Variants in KIRREL3 observed in about 807,000 individuals in gnomAD.
KIRREL3 encodes kin of IRRE-like protein 3.
Under a neutral mutation model 89.7 loss-of-function variants are expected in KIRREL3, and 36 were observed. That is an observed-to-expected ratio of 0.40 (90% CI 0.31 to 0.53). The LOEUF is 0.53. Among genes scored for constraint, KIRREL3 ranks in the 20% least tolerant of loss-of-function variants. The pLI is 0.49. For synonymous variants in KIRREL3, 445 were observed against 441.4 expected (o/e 1.01, Z -0.10); for missense variants, 864 against 1,056.6 (o/e 0.82, Z 2.53).
intron 1 of KIRREL3, among the ~76,000 whole-genome samples, chr11:126,589,005 G>A (rs992143509): frequency 3.3e-5 from 5 of 152,084 alleles, no homozygotes; most frequent in African/African-American, 1.2e-4. Context: ...TTCTTCAAGG[G>A]GGCTGCAAGC....
At chr11:126,450,518 TGC>T (rs1956019881) in intron 7 of KIRREL3, among the ~76,000 whole-genome samples, 1 of 150,834 alleles carries the variant, frequency 6.6e-6, no homozygotes, top group Admixed American at 6.6e-5. Context: ...TGTGTGTGTG[TGC>T]ATCTGCGTAT....
At position 126,909,791 on chromosome 11, in the gene KIRREL3, T is replaced by C. The variant is rs1946739997; in HGVS notation, c.55+90664A>G. ...TGTGCATGAGGCTGAAGCACCGCCA[T>C]TATAAAAAACTTGGTTAAAATATGG... On this transcript the variant is annotated intron_variant, in intron 1 of 16. Transcript: ENST00000525144. The surrounding 1 kb of genome is among the most constrained non-coding windows in gnomAD (Gnocchi z 4.5). Among the ~76,000 whole-genome samples, 2 of 152,204 alleles carry C rather than the reference T, an allele frequency of 1.3e-5. No individual in the cohort carries two copies. The highest frequency in any genetic ancestry group is 1.3e-4 in the Admixed American group (2 of 15,286).
intron 5 of KIRREL3, among the ~76,000 whole-genome samples, chr11:126,470,495 C>A (rs1415179343): frequency 1.3e-5 from 2 of 152,196 alleles, no homozygotes; most frequent in Non-Finnish European, 2.9e-5. Context: ...CTGGAGTGAC[C>A]TCTTGGCAGG....
At position 126,689,049 on chromosome 11, in the gene KIRREL3, A is replaced by C. The variant is rs899743941; in HGVS notation, c.56-126137T>G. The stretch of plus-strand genomic sequence containing the variant: ...TGTGTGTAAGGGGGAGAGAAGAGAG[A>C]GAGAGAGAGAGAGAGAGAGAGAGAG... On this transcript the variant is annotated intron_variant, in intron 1 of 16. Coordinates refer to ENST00000525144, the MANE Select transcript of KIRREL3 (RefSeq NM_032531.4). This position sits in a 1 kb window ranked among gnomAD's most constrained non-coding sequence, Gnocchi z 5.2. 3.3e-4 allele frequency among the ~76,000 whole-genome samples: 41 copies of C among 125,272 alleles called. 1 individual carries two copies. The highest frequency in any genetic ancestry group is 1.4e-3 in the African/African-American group (36 of 25,080). 82.2% of individuals were successfully genotyped at this position (125,272 alleles called of 152,430 possible).
chr11:126,974,198 A>G (rs144401656), intron 1 of KIRREL3, among the ~76,000 whole-genome samples: 1 of 152,268 alleles, frequency 6.6e-6, no homozygotes, highest in Non-Finnish European at 1.5e-5. Flanking sequence ...TTTGTTTCAA[A>G]TGTTTACTCC....
chr11:126,746,849 A>T (rs1019308294), intron 1 of KIRREL3, among the ~76,000 whole-genome samples: 1 of 151,994 alleles, frequency 6.6e-6, no homozygotes, highest in African/African-American at 2.4e-5. Flanking sequence ...CTCCTCACAC[A>T]CTCACATCCT....
chr11:126,779,325 A>G (rs1041939310), intron 1 of KIRREL3, among the ~76,000 whole-genome samples: 1 of 152,152 alleles, frequency 6.6e-6, no homozygotes, highest in Admixed American at 6.5e-5. Context: ...TGGGCCACCC[A>G]GTAAGATTCA....
chr11:126,743,279 G>C (rs1341916181), intron 1 of KIRREL3, among the ~76,000 whole-genome samples: 8 of 152,194 alleles, frequency 5.3e-5, no homozygotes, highest in African/African-American at 1.9e-4. Context: ...TTTATAGAAC[G>C]GTGAGCCTGG....
rs752843256 is a variant in KIRREL3 at position 126,788,987 on chromosome 11, C to T, written c.55+211468G>A. ...CCCTGTCAAGATTTCTTTGACCCAA[C>T]GGTGGGCTGGGTTGTGCCCTTCCTT... On this transcript the variant is annotated intron_variant, in intron 1 of 16. Transcript: ENST00000525144. This position sits in a 1 kb window ranked among gnomAD's most constrained non-coding sequence, Gnocchi z 4.1. 2.0e-5 allele frequency among the ~76,000 whole-genome samples: 3 copies of T among 152,154 alleles called. No individual in the cohort carries two copies. The highest frequency in any genetic ancestry group is 4.4e-5 in the Non-Finnish European group (3 of 68,026).
intron 1 of KIRREL3, among the ~76,000 whole-genome samples, chr11:126,852,053 T>C (rs1157008071): frequency 1.4e-4 from 1 of 7,020 alleles, no homozygotes; most frequent in African/African-American, 5.4e-4. Context: ...TATAACCTTT[T>C]TTTTTTTTTT....
chr11:126,892,786 A>T lies in KIRREL3; in HGVS notation c.55+107669T>A, dbSNP rs1945976199. 6.6e-6 allele frequency among the ~76,000 whole-genome samples: 1 copy of T among 152,162 alleles called. No homozygotes were observed. The highest frequency in any genetic ancestry group is 6.5e-5 in the Admixed American group (1 of 15,282). The stretch of plus-strand genomic sequence containing the variant: ...CCAGATAGGAGAAGGGTCTGGCTTC[A>T]TTGACATTTCCACGGTAGTGCATAC... On this transcript the variant is annotated intron_variant, in intron 1 of 16. Transcript: ENST00000525144. The surrounding 1 kb of genome is among the most constrained non-coding windows in gnomAD (Gnocchi z 5.4).
rs1280033861 is a variant in KIRREL3, at chr11:126,523,156, C to T, written c.284-1692G>A. Among the ~76,000 whole-genome samples, 1 of 152,146 alleles carries T rather than the reference C, an allele frequency of 6.6e-6. No homozygotes were observed. The highest frequency in any genetic ancestry group is 1.5e-5 in the Non-Finnish European group (1 of 68,032). On this transcript the variant is annotated intron_variant, in intron 3 of 16. Coordinates refer to ENST00000525144, the MANE Select transcript of KIRREL3 (RefSeq NM_032531.4). The surrounding 1 kb of genome is among the most constrained non-coding windows in gnomAD (Gnocchi z 4.9). ...ATTCTCAACTGTTTGAGGTATCCAACAAGGATCTGGGATGCCAGAGAGTGT... is the reference window on the plus strand; with the variant it reads ...ATTCTCAACTGTTTGAGGTATCCAATAAGGATCTGGGATGCCAGAGAGTGT...
intron 1 of KIRREL3, among the ~76,000 whole-genome samples, chr11:126,887,367 G>A (rs1336983705): frequency 6.6e-6 from 1 of 152,174 alleles, no homozygotes; most frequent in Admixed American, 6.5e-5. Flanking sequence ...GGGACTGGAG[G>A]CTAAGAAGCA....
Position 126,517,136 on chromosome 11 carries a change from A to AAGAGAAAGAGAGAGAGAG in KIRREL3, c.433+4178_433+4179insCTCTCTCTCTCTTTCTCT, listed in dbSNP as rs1958437550. Among the ~76,000 whole-genome samples, 31 of 140,902 alleles carry AAGAGAAAGAGAGAGAGAG rather than the reference A, an allele frequency of 2.2e-4. No individual in the cohort carries two copies. In the South Asian group the frequency reaches 2.3e-3, roughly 11 times the overall value. 92.4% of individuals were successfully genotyped at this position (140,902 alleles called of 152,430 possible). A position where few individuals can be genotyped will look rare whatever the true frequency, so the allele number is the denominator to read the frequency against. ...TTAGAGATTGAGAGAGAGAGAGAGA[A>AAGAGAAAGAGAGAGAGAG]AGAGAGAGAGAGAGAGAGAGAGAGA... On this transcript the variant is annotated intron_variant, in intron 4 of 16. Coordinates refer to ENST00000525144, the MANE Select transcript of KIRREL3 (RefSeq NM_032531.4).
In KIRREL3 at chr11:126,931,716, G is replaced by T. The variant is rs1947957223; in HGVS notation, c.55+68739C>A. ...TTCTTCCTTACAGCATTCTGGGGAA[G>T]ATTATCACCAGTTTACAGACAGTAG... On this transcript the variant is annotated intron_variant, in intron 1 of 16. Coordinates refer to ENST00000525144, the MANE Select transcript of KIRREL3 (RefSeq NM_032531.4). The surrounding 1 kb of genome is among the most constrained non-coding windows in gnomAD (Gnocchi z 5.1). 1.3e-5 allele frequency among the ~76,000 whole-genome samples: 2 copies of T among 152,334 alleles called. No individual in the cohort carries two copies.
intron 1 of KIRREL3, among the ~76,000 whole-genome samples, chr11:126,613,871 CTTTTT>C (rs5795506): frequency 4.2e-4 from 37 of 88,542 alleles, no homozygotes; most frequent in Non-Finnish European, 7.4e-4. Context: ...AATACTGTTG[CTTTTT>C]TTTTTTTTTT....
At chr11:126,660,754 C>G (rs376809691) in intron 1 of KIRREL3, among the ~76,000 whole-genome samples, 2 of 152,174 alleles carry the variant, frequency 1.3e-5, no homozygotes, top group South Asian at 4.1e-4. Context: ...AGAACATGCA[C>G]TGACTCTGAG....
rs1950002512 is a variant in KIRREL3 at position 126,990,441 on chromosome 11, G to A, written c.55+10014C>T. 6.7e-6 allele frequency among the ~76,000 whole-genome samples: 1 copy of A among 150,162 alleles called. No individual in the cohort carries two copies. Among genetic ancestry groups the A allele is most frequent in the Non-Finnish European group, 1.5e-5 (1 of 67,766 alleles). On this transcript the variant is annotated intron_variant, in intron 1 of 16. Coordinates refer to ENST00000525144, the MANE Select transcript of KIRREL3 (RefSeq NM_032531.4). This position sits in a 1 kb window ranked among gnomAD's most constrained non-coding sequence, Gnocchi z 6.3. ...AGGAGGAGAGCCCCCCATCCCTCCC[G>A]TCCCTTCCCAGCTCCCGGCAGCCAC...
chr11:126,842,280 A>G (rs1943988976), intron 1 of KIRREL3, among the ~76,000 whole-genome samples: 1 of 152,132 alleles, frequency 6.6e-6, no homozygotes, highest in Non-Finnish European at 1.5e-5. Flanking sequence ...CCCCTGCTCA[A>G]TCGGCCATGT....
Sources: allele counts gnomAD v4.1 joint callset (sites outside exome capture counted in the v4.1 genomes callset), GRCh38; gene constraint gnomAD v4.1.1; non-coding constraint Gnocchi (gnomAD v3.1); transcripts MANE v1.5; gene names NCBI Gene and HGNC (gene_info 2026-07-23, HGNC 2026-07-21).